The following CEP170 variants were observed in gnomAD, a reference collection of about 807,000 sequenced individuals.
CEP170 encodes the protein centrosomal protein 170, also known as centrosomal protein of 170 kDa.
CEP170 carries 21 observed loss-of-function variants against 151.9 expected under a neutral mutation model. The observed-to-expected ratio is 0.14, with a 90% confidence interval of 0.10 to 0.20. CEP170 has a LOEUF of 0.20. Among genes scored for constraint, CEP170 ranks in the 10% least tolerant of loss-of-function variants. The pLI is 1.00. For missense variants in CEP170, 964 were observed against 1,892.9 expected (o/e 0.51, Z 9.11); for synonymous variants, 356 against 648.8 (o/e 0.55, Z 6.86).
chr1:243,225,375 C>T (rs2063144423), intron 1 of CEP170, 54 bp from the exon 2 acceptor site: 1 of 664,916 alleles, frequency 1.5e-6, no homozygotes, highest in Non-Finnish European at 2.4e-6. Context: ...GCTTTAGTGG[C>T]TATTCACCAA....
At chr1:243,178,923 T>G (rs1389172475) in intron 10 of CEP170, among the ~76,000 whole-genome samples, 1 of 152,172 alleles carries the variant, frequency 6.6e-6, no homozygotes, top group African/African-American at 2.4e-5. Flanking sequence ...TTTCACCGTG[T>G]TAGCCAGGAT....
chr1:243,154,973 G>T (rs1039230907), intron 14 of CEP170, among the ~76,000 whole-genome samples: 3 of 152,130 alleles, frequency 2.0e-5, no homozygotes, highest in African/African-American at 7.2e-5. Context: ...GATGAGACAA[G>T]AGTAAGACCT....
chr1:243,146,829 C>T (rs1251399636), intron 14 of CEP170, among the ~76,000 whole-genome samples: 7 of 152,248 alleles, frequency 4.6e-5, no homozygotes, highest in Middle Eastern at 3.4e-3. Flanking sequence ...CAGGCACCAA[C>T]GGGACTTATA....
At chr1:243,217,032 G>C (rs981832171) in intron 3 of CEP170, among the ~76,000 whole-genome samples, 1 of 152,132 alleles carries the variant, frequency 6.6e-6, no homozygotes, top group African/African-American at 2.4e-5. Context: ...AACCTAGATA[G>C]TATAGCCTAC....
intron 1 of CEP170, among the ~76,000 whole-genome samples, chr1:243,245,946 A>G (rs2065348277): frequency 6.9e-6 from 1 of 144,068 alleles, no homozygotes; most frequent in Non-Finnish European, 1.5e-5. Context: ...ACCTCGTCTC[A>G]AAAAAAAAAA....
At chr1:243,211,997 G>A (rs767529426) in intron 3 of CEP170, 33 bp from the exon 4 acceptor site, 47 of 1,431,642 alleles carry the variant, frequency 3.3e-5, no homozygotes, top group African/African-American at 2.9e-4. Context: ...GTTAGGTTAC[G>A]TATGAGGTAT....
At chr1:243,163,205 T>C (rs1440759165) in intron 13 of CEP170, 4 of 152,096 alleles carry the variant, frequency 2.6e-5, no homozygotes, top group East Asian at 1.9e-4. Flanking sequence ...TGTAAACCAA[T>C]CAAAAATAAA....
At chr1:243,192,424 A>G (rs2060362328) in intron 7 of CEP170, among the ~76,000 whole-genome samples, 2 of 152,154 alleles carry the variant, frequency 1.3e-5, no homozygotes, top group South Asian at 4.1e-4. Context: ...TGACAACTAA[A>G]ACGTTTTCGG....
chr1:243,139,105 CTT>C (rs370290389), intron 16 of CEP170, among the ~76,000 whole-genome samples: 15 of 136,028 alleles, frequency 1.1e-4, no homozygotes, highest in Non-Finnish European at 1.1e-4. Flanking sequence ...TTTTCTTTTT[CTT>C]TTTTTTTTTT....
chr1:243,231,153 G>GCATCATCATCAT (rs74162260), intron 1 of CEP170, among the ~76,000 whole-genome samples: 11 of 142,188 alleles, frequency 7.7e-5, no homozygotes, highest in East Asian at 6.3e-4. Flanking sequence ...TATCTTTCAA[G>GCATCATCATCAT]CATCATCATC....
In CEP170 at chr1:243,131,095, A is replaced by G. The variant is rs541541321; in HGVS notation, c.4320-1642T>C. Among the ~76,000 whole-genome samples the G allele has an allele frequency of 7.9e-5, 12 of 152,190 alleles. No homozygotes were observed. In the South Asian group the frequency reaches 1.9e-3, roughly 24 times the overall value. The stretch of plus-strand genomic sequence containing the variant: ...TGAGTATAGTGTTTGTGGATCTAAA[A>G]CTGTTAAACCATAGACATTTCACCT... On this transcript the variant is annotated intron_variant, in intron 17 of 19. Coordinates refer to ENST00000366542, the MANE Select transcript of CEP170 (RefSeq NM_014812.3).
At chr1:243,134,664 A>ATTTTTT (rs774058654) in intron 17 of CEP170, among the ~76,000 whole-genome samples, 2 of 135,732 alleles carry the variant, frequency 1.5e-5, no homozygotes, top group Non-Finnish European at 3.2e-5. Context: ...TGCCCAGCCA[A>ATTTTTT]TTTTTTTTTT....
chr1:243,175,527 T>C (rs2059168707), intron 10 of CEP170, among the ~76,000 whole-genome samples: 1 of 152,200 alleles, frequency 6.6e-6, no homozygotes, highest in Non-Finnish European at 1.5e-5. Context: ...TGAAAACAAA[T>C]ATATAAAGTT....
intron 8 of CEP170, among the ~76,000 whole-genome samples, 164 bp downstream of exon 8, chr1:243,190,854 G>A (rs1344149545): frequency 6.6e-6 from 1 of 152,148 alleles, no homozygotes; most frequent in Non-Finnish European, 1.5e-5. Flanking sequence ...TGAGGAAATT[G>A]GACATGGGCA....
chr1:243,127,942 T>G (rs1284310098), intron 19 of CEP170, among the ~76,000 whole-genome samples: 1 of 152,220 alleles, frequency 6.6e-6, no homozygotes. Flanking sequence ...CACAACTTTA[T>G]TATATATTTT....
At chr1:243,182,807 T>C (rs2148696850) in intron 10 of CEP170, among the ~76,000 whole-genome samples, 1 of 152,320 alleles carries the variant, frequency 6.6e-6, no homozygotes, top group South Asian at 2.1e-4. Context: ...GCAATATTTA[T>C]TGAGGACATT....
chr1:243,206,512 T>C (rs1277711780), intron 4 of CEP170, among the ~76,000 whole-genome samples: 2 of 152,162 alleles, frequency 1.3e-5, no homozygotes, highest in Non-Finnish European at 2.9e-5. Context: ...AGCAAAGCCA[T>C]AGTACAAGAA....
chr1:243,165,625 C>T lies in CEP170; in HGVS notation c.2335G>A (p.Glu779Lys), dbSNP rs779402065. 6.2e-7 allele frequency: 1 copy of T among 1,613,894 alleles called. No homozygotes were observed. The highest frequency in any genetic ancestry group is 8.5e-7 in the Non-Finnish European group (1 of 1,179,906). The change falls in exon 13 of 20, where the codon GAA becomes AAA. Residue 779 changes from glutamate (E) to lysine (K), a missense_variant. Coordinates refer to ENST00000366542, the MANE Select transcript of CEP170 (RefSeq NM_014812.3). ...GGTTGTGATTCTTGTTTAAAAGTTTCCTCCCTACATTTATCTGTCTGACCT... is the reference window on the plus strand; with the variant it reads ...GGTTGTGATTCTTGTTTAAAAGTTTTCTCCCTACATTTATCTGTCTGACCT... Reference protein sequence around the residue: ...VSGQTDKCREETFKQESQPPE... With the variant: ...VSGQTDKCREKTFKQESQPPE...
At chr1:243,183,506 C>G (rs2059761349) in intron 10 of CEP170, among the ~76,000 whole-genome samples, 1 of 152,068 alleles carries the variant, frequency 6.6e-6, no homozygotes. Context: ...TTCTTCATAC[C>G]CACAGGTTAC....
Sources: allele counts gnomAD v4.1 joint callset (sites outside exome capture counted in the v4.1 genomes callset), GRCh38; gene constraint gnomAD v4.1.1; transcripts MANE v1.5; gene names NCBI Gene and HGNC (gene_info 2026-07-23, HGNC 2026-07-21).